The following COL19A1 variants were observed in gnomAD, a reference collection of about 807,000 sequenced individuals.
COL19A1 encodes collagen type XIX alpha 1 chain.
In COL19A1, 159 loss-of-function variants were observed where a neutral mutation model predicts 190.2. The observed-to-expected ratio is 0.84, with a 90% CI of 0.73 to 0.95. The LOEUF (loss-of-function observed/expected upper bound fraction) is 0.95, where lower values mean the gene tolerates loss of function less well. Ranked by LOEUF, COL19A1 falls within the 40% of genes least tolerant of loss-of-function variation. The pLI is 0.00. For missense variants in COL19A1, 1,418 were observed against 1,431.9 expected (o/e 0.99, Z 0.16); for synonymous variants, 509 against 458.9 (o/e 1.11, Z -1.39).
chr6:70,166,936 T>G (rs1038921750), intron 37 of COL19A1, among the ~76,000 whole-genome samples: 2 of 152,236 alleles, frequency 1.3e-5, no homozygotes, highest in Admixed American at 6.5e-5. Flanking sequence ...AATTTTATAA[T>G]GCACTTAAGA....
At chr6:69,945,226 G>A (rs1296265637) in intron 9 of COL19A1, among the ~76,000 whole-genome samples, 1 of 151,962 alleles carries the variant, frequency 6.6e-6, no homozygotes, top group East Asian at 1.9e-4. Flanking sequence ...TTGACTTTAT[G>A]AAATGATTGC....
intron 9 of COL19A1, 46 bp downstream of exon 9, chr6:69,938,146 A>AT: frequency 6.4e-7 from 1 of 1,551,516 alleles, no homozygotes; most frequent in East Asian, 2.3e-5. Context: ...GTTTTGTTAA[A>AT]AAATGACTTA....
intron 1 of COL19A1, among the ~76,000 whole-genome samples, chr6:69,877,503 T>A (rs1404130837): frequency 1.3e-5 from 2 of 152,118 alleles, no homozygotes; most frequent in African/African-American, 4.8e-5. Flanking sequence ...CAAGATTACT[T>A]TTCACATGTG....
At chr6:70,192,676 G>A (rs1766956503) in intron 48 of COL19A1, among the ~76,000 whole-genome samples, 1 of 152,164 alleles carries the variant, frequency 6.6e-6, no homozygotes, top group Non-Finnish European at 1.5e-5. Context: ...AATTTGCGGT[G>A]TTCAGTGCAC....
chr6:69,876,657 A>G (rs554440798), intron 1 of COL19A1, among the ~76,000 whole-genome samples: 16 of 152,352 alleles, frequency 1.1e-4, no homozygotes, highest in African/African-American at 3.6e-4. Flanking sequence ...ACATGAAGCC[A>G]TGATTGTCAC....
intron 11 of COL19A1, among the ~76,000 whole-genome samples, chr6:69,998,233 T>C (rs182423575): frequency 1.3e-5 from 2 of 152,372 alleles, no homozygotes; most frequent in Admixed American, 1.3e-4. Flanking sequence ...AAGTCCCACA[T>C]GCAAATACAT....
intron 14 of COL19A1, among the ~76,000 whole-genome samples, chr6:70,037,083 G>T (rs1779392413): frequency 6.6e-6 from 1 of 152,134 alleles, no homozygotes; most frequent in Non-Finnish European, 1.5e-5. Flanking sequence ...TTTTAAGCAT[G>T]AAAAGAAAGA....
chr6:69,887,901 A>T (rs1769050082), intron 2 of COL19A1, among the ~76,000 whole-genome samples: 1 of 152,104 alleles, frequency 6.6e-6, no homozygotes, highest in South Asian at 2.1e-4. Flanking sequence ...AAAGGGTGTG[A>T]AGTTCCCAAG....
rs1286714753 is a variant in COL19A1 at position 70,142,187 on chromosome 6, A to G, written c.1572+111A>G. On this transcript the variant is annotated intron_variant, in intron 22 of 50. Transcript: ENST00000620364. ...CTCATTTTCTTCACAAATGCTCTCC[A>G]AGACTTTATCCTGTTTCCATGGTGA... The G allele has an allele frequency of 4.3e-6, 4 of 940,112 alleles. No homozygotes were observed. The African/African-American group carries it at 6.6e-5, about 16-fold the overall frequency. The allele number at this position is 940,112 out of a possible 1,614,324, so 58.2% of individuals were successfully genotyped here. A position where few individuals can be genotyped will look rare whatever the true frequency, so the allele number is the denominator to read the frequency against.
At chr6:69,976,249 G>A (rs1775707083) in intron 11 of COL19A1, among the ~76,000 whole-genome samples, 2 of 151,978 alleles carry the variant, frequency 1.3e-5, no homozygotes, top group African/African-American at 2.4e-5. Context: ...CGTCTGTCTT[G>A]GTCTCAAGAG....
At chr6:70,026,517 G>C (rs964579102) in intron 12 of COL19A1, among the ~76,000 whole-genome samples, 7 of 152,166 alleles carry the variant, frequency 4.6e-5, no homozygotes, top group African/African-American at 1.4e-4. Flanking sequence ...TTCTCACTTG[G>C]TTACTTAGTT....
At chr6:69,985,686 T>A (rs1776273069) in intron 11 of COL19A1, among the ~76,000 whole-genome samples, 1 of 152,196 alleles carries the variant, frequency 6.6e-6, no homozygotes, top group Non-Finnish European at 1.5e-5. Context: ...TCTAAAAAAC[T>A]GTGAAAATTT....
intron 15 of COL19A1, among the ~76,000 whole-genome samples, chr6:70,099,281 C>T (rs956976157): frequency 2.6e-5 from 4 of 151,814 alleles, no homozygotes; most frequent in Non-Finnish European, 4.4e-5. Flanking sequence ...TCTGAAAATT[C>T]GAAATCTGAA....
chr6:69,955,328 G>GT (rs568905116), intron 9 of COL19A1, among the ~76,000 whole-genome samples: 12 of 151,904 alleles, frequency 7.9e-5, no homozygotes, highest in African/African-American at 1.4e-4. Context: ...TTTTCTTTTT[G>GT]TTTTTTTATT....
chr6:70,154,351 T>C (rs1787300813), intron 31 of COL19A1, among the ~76,000 whole-genome samples: 1 of 152,148 alleles, frequency 6.6e-6, no homozygotes, highest in African/African-American at 2.4e-5. Flanking sequence ...CTTTATCCAG[T>C]CTATCATTGA....
At chr6:70,047,006 A>AT (rs35413644) in intron 14 of COL19A1, among the ~76,000 whole-genome samples, 2 of 152,014 alleles carry the variant, frequency 1.3e-5, no homozygotes, top group African/African-American at 4.8e-5. Flanking sequence ...ACCAAATCAC[A>AT]TTTTTTCAAA....
chr6:70,010,297 G>C (rs1777908248), intron 11 of COL19A1, among the ~76,000 whole-genome samples: 1 of 152,096 alleles, frequency 6.6e-6, no homozygotes, highest in African/African-American at 2.4e-5. Context: ...CTCATGAAAA[G>C]TTGTTCAACA....
At position 70,210,680 on chromosome 6, in the gene COL19A1, G is replaced by A. The variant is rs1768136473; in HGVS notation, c.*3406G>A. On this transcript the variant is annotated 3_prime_UTR_variant, in exon 51 of 51. Coordinates refer to ENST00000620364, the MANE Select transcript of COL19A1 (RefSeq NM_001858.6). ...TATACCTCCATTTGTCCACAAGATG[G>A]TGTTTAAAACAATTTGTTCAGAAGA... 6.6e-6 allele frequency among the ~76,000 whole-genome samples: 1 copy of A among 152,090 alleles called. No homozygotes were observed.
At chr6:70,047,770 T>C (rs1267589048) in intron 14 of COL19A1, among the ~76,000 whole-genome samples, 1 of 152,128 alleles carries the variant, frequency 6.6e-6, no homozygotes, top group Non-Finnish European at 1.5e-5. Flanking sequence ...CAGTAAAGTT[T>C]TACTGAAATA....
Sources: allele counts gnomAD v4.1 joint callset (sites outside exome capture counted in the v4.1 genomes callset), GRCh38; gene constraint gnomAD v4.1.1; transcripts MANE v1.5; gene names NCBI Gene and HGNC (gene_info 2026-07-23, HGNC 2026-07-21).